The following TLL1 variants were observed in gnomAD, a reference collection of about 807,000 sequenced individuals.
TLL1 encodes the protein tolloid-like protein 1.
In TLL1, 49 loss-of-function variants were observed where a neutral mutation model predicts 128.2. The observed-to-expected ratio is 0.38, with a 90% CI of 0.30 to 0.48. TLL1 has a LOEUF of 0.48. Among genes scored for constraint, TLL1 ranks in the 20% least tolerant of loss-of-function variants. TLL1 has a pLI of 0.96. For synonymous variants in TLL1, 454 were observed against 418.8 expected, an observed-to-expected ratio of 1.08 and a Z score of -1.03; for missense variants, 1,123 against 1,242.0, an observed-to-expected ratio of 0.90 and a Z score of 1.44.
intron 1 of TLL1, among the ~76,000 whole-genome samples, chr4:165,912,891 GAA>G (rs11439705): frequency 4.8e-5 from 7 of 146,394 alleles, no homozygotes; most frequent in African/African-American, 1.5e-4. Flanking sequence ...ACCATAGAAA[GAA>G]AAAAAAAAAG....
intron 15 of TLL1, 48 bp from the exon 16 acceptor site, chr4:166,065,635 C>T (rs750988643): frequency 6.4e-7 from 1 of 1,562,544 alleles, no homozygotes; most frequent in Non-Finnish European, 8.8e-7. Flanking sequence ...AAATGTCAAT[C>T]ATCTTGTACT....
intron 13 of TLL1, among the ~76,000 whole-genome samples, chr4:166,056,826 G>T (rs1474103404): frequency 3.3e-5 from 5 of 152,108 alleles, no homozygotes; most frequent in African/African-American, 1.2e-4. Context: ...TTTTGACAAT[G>T]CTCAGTTAGC....
chr4:165,899,870 G>A (rs761004183), intron 1 of TLL1, among the ~76,000 whole-genome samples: 5 of 151,998 alleles, frequency 3.3e-5, no homozygotes, highest in Non-Finnish European at 7.4e-5. Flanking sequence ...CTCTTTGTAG[G>A]TCTCTAAGAA....
intron 1 of TLL1, among the ~76,000 whole-genome samples, chr4:165,902,392 C>T (rs932247386): frequency 2.9e-4 from 44 of 152,190 alleles, no homozygotes; most frequent in African/African-American, 9.7e-4. Flanking sequence ...GTGCTTGAAA[C>T]CCAGGGCCCT....
At chr4:165,900,661 C>T (rs1407385289) in intron 1 of TLL1, among the ~76,000 whole-genome samples, 1 of 140,878 alleles carries the variant, frequency 7.1e-6, no homozygotes, top group Non-Finnish European at 1.6e-5. Flanking sequence ...TCTTGCTGCC[C>T]TTAACATTTT....
intron 8 of TLL1, among the ~76,000 whole-genome samples, chr4:166,023,365 A>C (rs1418468368): frequency 6.6e-6 from 1 of 152,126 alleles, no homozygotes; most frequent in Non-Finnish European, 1.5e-5. Flanking sequence ...GAGCCACTGC[A>C]CTCCAGCCTG....
At chr4:165,944,670 A>G (rs1734162038) in intron 1 of TLL1, among the ~76,000 whole-genome samples, 1 of 152,164 alleles carries the variant, frequency 6.6e-6, no homozygotes, top group African/African-American at 2.4e-5. Context: ...TGAAACCAGG[A>G]GAAACCCAGT....
rs1343955972 is a variant in TLL1 at position 165,947,307 on chromosome 4, T to G, written c.170-42074T>G. Among the ~76,000 whole-genome samples, 3 of 152,134 alleles carry G rather than the reference T, an allele frequency of 2.0e-5. No individual in the cohort carries two copies. The East Asian group carries it at 5.8e-4, about 29-fold the overall frequency. On this transcript the variant is annotated intron_variant, in intron 1 of 20. Coordinates refer to ENST00000061240, the MANE Select transcript of TLL1 (RefSeq NM_012464.5). ...TAAGACTTCACTGAACCTTAATTACTTTCCTACTCCAGATACAGCCACATT... is the reference window on the plus strand; with the variant it reads ...TAAGACTTCACTGAACCTTAATTACGTTCCTACTCCAGATACAGCCACATT...
intron 9 of TLL1, among the ~76,000 whole-genome samples, chr4:166,027,516 G>A (rs1314213828): frequency 6.6e-6 from 1 of 152,126 alleles, no homozygotes. Flanking sequence ...GGTGCAAAAA[G>A]TTACAACTGA....
intron 1 of TLL1, among the ~76,000 whole-genome samples, chr4:165,914,198 A>G (rs1019940874): frequency 1.3e-5 from 2 of 152,124 alleles, no homozygotes; most frequent in South Asian, 2.1e-4. Flanking sequence ...CTTTTTCTCT[A>G]TTAGCGTGTG....
At chr4:166,074,674 T>G (rs191119414) in intron 16 of TLL1, among the ~76,000 whole-genome samples, 213 of 152,304 alleles carry the variant, frequency 1.4e-3, no homozygotes, top group African/African-American at 4.9e-3. Context: ...TCTTGGAAAC[T>G]TGATTCATGG....
chr4:166,004,755 G>A (rs985979532), intron 6 of TLL1, among the ~76,000 whole-genome samples: 3 of 152,134 alleles, frequency 2.0e-5, no homozygotes, highest in Non-Finnish European at 4.4e-5. Context: ...TAAGTTACAA[G>A]TGGGAGATTA....
At chr4:166,020,131 C>A (rs1219333540) in intron 8 of TLL1, among the ~76,000 whole-genome samples, 1 of 152,122 alleles carries the variant, frequency 6.6e-6, no homozygotes, top group African/African-American at 2.4e-5. Context: ...TCATTCATTG[C>A]CACATCACGT....
At chr4:165,912,711 G>A (rs921365558) in intron 1 of TLL1, among the ~76,000 whole-genome samples, 1 of 152,052 alleles carries the variant, frequency 6.6e-6, no homozygotes, top group Non-Finnish European at 1.5e-5. Flanking sequence ...TAGGGACTCC[G>A]GTATCGTTCT....
At chr4:165,877,859 T>C (rs1389783612) in intron 1 of TLL1, among the ~76,000 whole-genome samples, 3 of 151,814 alleles carry the variant, frequency 2.0e-5, no homozygotes, top group Non-Finnish European at 2.9e-5. Context: ...ATAGGAGAAA[T>C]TGAAGAAATT....
Position 165,988,317 on chromosome 4 carries a change from A to G in TLL1, c.170-1064A>G, listed in dbSNP as rs74287141. Among the ~76,000 whole-genome samples, 344 of 152,230 alleles carry G rather than the reference A, an allele frequency of 2.3e-3. 5 individuals are homozygous for G. The East Asian group carries it at 0.043, about 19-fold the overall frequency. On this transcript the variant is annotated intron_variant, in intron 1 of 20. Transcript: ENST00000061240. Reference sequence around the variant, plus strand: ...AGTAGCATAATACACTAGGTAAAAAAGATAGAGTCAGACTGAGAGCAGTTG... The same window carrying G: ...AGTAGCATAATACACTAGGTAAAAAGGATAGAGTCAGACTGAGAGCAGTTG...
intron 1 of TLL1, among the ~76,000 whole-genome samples, chr4:165,903,298 A>T (rs988633147): frequency 6.6e-6 from 1 of 151,982 alleles, no homozygotes; most frequent in Non-Finnish European, 1.5e-5. Context: ...AGATCGTGCC[A>T]TTGCACTCCT....
At chr4:165,944,387 T>C (rs1368595306) in intron 1 of TLL1, among the ~76,000 whole-genome samples, 1 of 152,096 alleles carries the variant, frequency 6.6e-6, no homozygotes, top group East Asian at 1.9e-4. Context: ...ACAAATAACA[T>C]CTTATGCAAA....
At chr4:165,956,095 C>A (rs1734776255) in intron 1 of TLL1, among the ~76,000 whole-genome samples, 1 of 151,952 alleles carries the variant, frequency 6.6e-6, no homozygotes, top group Admixed American at 6.6e-5. Context: ...GAACAAAGAT[C>A]ACATGCTTCT....
Sources: allele counts gnomAD v4.1 joint callset (sites outside exome capture counted in the v4.1 genomes callset), GRCh38; gene constraint gnomAD v4.1.1; transcripts MANE v1.5; gene names NCBI Gene and HGNC (gene_info 2026-07-23, HGNC 2026-07-21).